GSAP: variants seen among roughly 807,000 people sequenced by gnomAD.
GSAP encodes the protein gamma-secretase-activating protein.
A neutral mutation model predicts 131.7 loss-of-function variants in GSAP; 118 were observed. The ratio of observed to expected loss-of-function variants is 0.90; its 90% CI spans 0.77 to 1.04. The LOEUF (loss-of-function observed/expected upper bound fraction) is 1.04, where lower values mean the gene tolerates loss of function less well. Ranked by LOEUF, GSAP falls within the 50% of genes least tolerant of loss-of-function variation. GSAP has a pLI of 0.00. For synonymous variants in GSAP, 381 were observed against 363.4 expected, an observed-to-expected ratio of 1.05 and a Z score of -0.55; for missense variants, 1,019 against 1,013.2, an observed-to-expected ratio of 1.01 and a Z score of -0.08.
Position 77,320,744 on chromosome 7 carries a change from C to G in GSAP, c.2070G>C (p.Leu690Phe). 1.9e-6 allele frequency: 3 copies of G among 1,606,962 alleles called. No individual in the cohort carries two copies. The highest frequency in any genetic ancestry group is 2.6e-6 in the Non-Finnish European group (3 of 1,173,590). Residue 690 changes from leucine (L) to phenylalanine (F), a missense_variant, in exon 26 of 31, where the codon TTG (leucine) becomes TTC (phenylalanine). Physicochemically the swap from Leu to Phe is conservative, Grantham distance 22. Transcript: ENST00000257626. ...MTRILEATNS[L>F]FLPLPPGFHT... ...ACTTACCAGGAGGCAGAGGTAAAAA[C>G]AAACTGTTTGTAGCTTCCAGAATCC...
intron 7 of GSAP, among the ~76,000 whole-genome samples, 199 bp from the exon 8 acceptor site, chr7:77,381,553 T>G (rs909441967): frequency 2.0e-5 from 3 of 152,072 alleles, no homozygotes; most frequent in Non-Finnish European, 2.9e-5. Context: ...CATCCTCCCT[T>G]TACAGTTAAT....
At position 77,314,440 on chromosome 7, in the gene GSAP, A is replaced by C; in HGVS notation, c.2139T>G (p.His713Gln). 2 of 1,613,784 alleles carry C rather than the reference A, an allele frequency of 1.2e-6. No individual in the cohort carries two copies. Among genetic ancestry groups the C allele is most frequent in the African/African-American group, 2.7e-5 (2 of 75,030 alleles). Residue 713 changes from histidine to glutamine, a missense_variant, in exon 27 of 31, where the codon CAT becomes CAG. Physicochemically the swap from His to Gln is conservative, Grantham distance 24 (BLOSUM62 0). Coordinates refer to ENST00000257626, the MANE Select transcript of GSAP (RefSeq NM_017439.4). ...TILGVQCLPL[H>Q]NLLHCIDSGV... ...CACTGTCAATGCAATGCAGCAGGTTATGCAAAGGGAGACACTGGACCCCGA... is the reference window on the plus strand; with the variant it reads ...CACTGTCAATGCAATGCAGCAGGTTCTGCAAAGGGAGACACTGGACCCCGA...
At chr7:77,320,578 C>A (rs903304383) in intron 26 of GSAP, 147 bp downstream of exon 26, 1 of 619,148 alleles carries the variant, frequency 1.6e-6, no homozygotes, top group East Asian at 2.7e-5. Context: ...AGAGACCAAC[C>A]TAAGGGCCCA....
Position 77,312,209 on chromosome 7 carries a change from T to C in GSAP, c.2272-7A>G. 2.7e-6 allele frequency: 4 copies of C among 1,488,042 alleles called. No homozygotes were observed. The highest frequency in any genetic ancestry group is 1.5e-5 in the African/African-American group (1 of 66,818). The allele number at this position is 1,488,042 out of a possible 1,614,324, so 92.2% of individuals were successfully genotyped here. A position where few individuals can be genotyped will look rare whatever the true frequency, so the allele number is the denominator to read the frequency against. On this transcript the variant is annotated splice_region_variant and splice_polypyrimidine_tract_variant and intron_variant, in intron 28 of 30. Coordinates refer to ENST00000257626, the MANE Select transcript of GSAP (RefSeq NM_017439.4). The stretch of plus-strand genomic sequence containing the variant: ...AAATCTTCTGCCCAATAAGCTATTA[T>C]GCAAATTGAAAAAAATGTAGCGAAT...
At chr7:77,396,867 T>C in intron 5 of GSAP, 115 bp downstream of exon 5, 1 of 597,382 alleles carries the variant, frequency 1.7e-6, no homozygotes, top group Non-Finnish European at 2.8e-6. Flanking sequence ...CCTTTTATTC[T>C]GAGATACGAT....
chr7:77,400,160 G>A (rs1288863801), intron 3 of GSAP, among the ~76,000 whole-genome samples: 1 of 152,162 alleles, frequency 6.6e-6, no homozygotes, highest in Non-Finnish European at 1.5e-5. Context: ...TAACAAGGCA[G>A]CCTTCCCCCT....
intron 6 of GSAP, among the ~76,000 whole-genome samples, chr7:77,384,244 T>A (rs1371460014): frequency 6.6e-6 from 1 of 152,226 alleles, no homozygotes; most frequent in South Asian, 2.1e-4. Context: ...CATGCCTGCT[T>A]AGGAATGTGA....
chr7:77,315,959 T>C lies in GSAP; in HGVS notation c.2090-1470A>G, dbSNP rs563620678. The C allele has an allele frequency of 5.3e-5, 8 of 152,258 alleles. No homozygotes were observed. In the East Asian group the frequency reaches 1.5e-3, roughly 29 times the overall value. The allele number at this position is 152,258 out of a possible 1,614,324, so 9.4% of individuals were successfully genotyped here. A position where few individuals can be genotyped will look rare whatever the true frequency, so the allele number is the denominator to read the frequency against. On this transcript the variant is annotated intron_variant, in intron 26 of 30. Coordinates refer to ENST00000257626, the MANE Select transcript of GSAP (RefSeq NM_017439.4). ...GACAATCAATTACAAAAAATAGACATTTTTAAAAATGTGACCAGTTCTGTG... is the reference window on the plus strand; with the variant it reads ...GACAATCAATTACAAAAAATAGACACTTTTAAAAATGTGACCAGTTCTGTG...
At position 77,397,413 on chromosome 7, in the gene GSAP, A is replaced by C; in HGVS notation, c.246T>G (p.Leu82=). ...GCAAGTCTTTCTCAAAGGTATATAG[A>C]AGCTATTAAAACAAAAATATTTTTT... is the stretch of plus-strand genomic sequence containing the variant. The part of the protein sequence containing the change: ...LYDCQTRQNE[L]LYTFEKDLQV... Residue 82 remains leucine, a splice_region_variant and synonymous_variant, in exon 4 of 31, where the codon CTT becomes CTG. Coordinates refer to ENST00000257626, the MANE Select transcript of GSAP (RefSeq NM_017439.4). 6.5e-7 allele frequency: 1 copy of C among 1,536,468 alleles called. No homozygotes were observed. Among genetic ancestry groups the C allele is most frequent in the Non-Finnish European group, 8.9e-7 (1 of 1,118,582 alleles).
At chr7:77,312,014 C>T in intron 29 of GSAP, 74 bp from the exon 30 acceptor site, 1 of 1,166,390 alleles carries the variant, frequency 8.6e-7, no homozygotes, top group South Asian at 1.2e-5. Flanking sequence ...GTGATAAGAA[C>T]TGTAATTGCT....
chr7:77,343,405 C>A (rs913824407), intron 19 of GSAP, among the ~76,000 whole-genome samples: 11 of 152,186 alleles, frequency 7.2e-5, no homozygotes, highest in African/African-American at 2.7e-4. Context: ...CTAAATATGC[C>A]TTCCATATCC....
chr7:77,416,533 G>T (rs989456990), upstream of GSAP: 2 of 397,334 alleles, frequency 5.0e-6, no homozygotes, highest in Non-Finnish European at 9.0e-6. Flanking sequence ...AGCCGGAGCC[G>T]GGCACGGCGG....
At chr7:77,406,548 G>T (rs755593742) in intron 1 of GSAP, among the ~76,000 whole-genome samples, 1 of 152,198 alleles carries the variant, frequency 6.6e-6, no homozygotes, top group Non-Finnish European at 1.5e-5. Flanking sequence ...AAGCTGAGCT[G>T]CCAGGTGTCT....
chr7:77,414,844 C>CTGTTTTTTTT (rs1803994472), intron 1 of GSAP, among the ~76,000 whole-genome samples: 3 of 59,858 alleles, frequency 5.0e-5, no homozygotes, highest in Non-Finnish European at 8.4e-5. Flanking sequence ...ATGTGGGCGA[C>CTGTTTTTTTT]TTTTTTTTTT....
chr7:77,340,444 G>A (rs1227986737), intron 19 of GSAP, among the ~76,000 whole-genome samples: 2 of 152,166 alleles, frequency 1.3e-5, no homozygotes, highest in Non-Finnish European at 2.9e-5. Flanking sequence ...ACTTCCGTGA[G>A]GAGATCTGCC....
intron 1 of GSAP, among the ~76,000 whole-genome samples, chr7:77,406,834 G>A (rs1802356342): frequency 6.6e-6 from 1 of 152,202 alleles, no homozygotes; most frequent in Non-Finnish European, 1.5e-5. Flanking sequence ...AGAAGAGCTA[G>A]GAGTGGAAAA....
At chr7:77,329,145 T>G (rs1788720490) in intron 21 of GSAP, among the ~76,000 whole-genome samples, 188 bp downstream of exon 21, 1 of 152,218 alleles carries the variant, frequency 6.6e-6, no homozygotes, top group Non-Finnish European at 1.5e-5. Flanking sequence ...TATAAGCTTT[T>G]CCCACCAGAA....
intron 26 of GSAP, 60 bp from the exon 27 acceptor site, chr7:77,314,549 G>A (rs1179036946): frequency 1.9e-6 from 3 of 1,593,136 alleles, no homozygotes; most frequent in South Asian, 1.1e-5. Flanking sequence ...AGCCCCCGGG[G>A]AATGGATTAG....
At chr7:77,322,970 G>T (rs1474942211) in intron 24 of GSAP, among the ~76,000 whole-genome samples, 1 of 152,048 alleles carries the variant, frequency 6.6e-6, no homozygotes, top group Non-Finnish European at 1.5e-5. Context: ...ATACAAATTT[G>T]GAGAAATAAT....
Sources: gnomAD v4.1 joint callset for allele counts (sites outside exome capture counted in the v4.1 genomes callset) on GRCh38, gnomAD v4.1.1 for gene constraint, MANE v1.5 for transcripts, NCBI Gene and HGNC (gene_info 2026-07-23, HGNC 2026-07-21) for gene names.